The following XAB2 variants were observed in gnomAD, a reference collection of about 807,000 sequenced individuals.
The protein encoded by XAB2 is pre-mRNA-splicing factor SYF1.
Under a neutral mutation model 113.4 loss-of-function variants are expected in XAB2, and 57 were observed. The observed-to-expected ratio is 0.50, with a 90% CI of 0.41 to 0.63. XAB2 has a LOEUF of 0.63. Ranked by LOEUF, XAB2 falls within the 20% of genes least tolerant of loss-of-function variation. The pLI is 0.00. For synonymous variants in XAB2, 497 were observed against 498.8 expected, an observed-to-expected ratio of 1.00 and a Z score of 0.05; for missense variants, 1,037 against 1,233.3, an observed-to-expected ratio of 0.84 and a Z score of 2.38.
At position 7,627,864 on chromosome 19, in the gene XAB2, A is replaced by G; in HGVS notation, c.201-13T>C. The G allele has an allele frequency of 6.2e-7, 1 of 1,610,288 alleles. No homozygotes were observed. Among genetic ancestry groups the G allele is most frequent in the Non-Finnish European group, 8.5e-7 (1 of 1,176,880 alleles). ...CCAGAGTTTGTAGCTGGGGAATAGG[A>G]GGGGACAGATGCTGATCGGTCAGCT... is the stretch of plus-strand genomic sequence containing the variant. On this transcript the variant is annotated splice_polypyrimidine_tract_variant and intron_variant, in intron 2 of 18. Transcript: ENST00000358368. This position sits in a 1 kb window ranked among gnomAD's most constrained non-coding sequence, Gnocchi z 4.5.
At position 7,627,681 on chromosome 19, in the gene XAB2, T is replaced by C. The variant is rs376407828; in HGVS notation, c.324+47A>G. ...CCTGTCCCCGCCCCACCCACCACCA[T>C]GGACTGAGCTCCACTTCCCGATTCA... is the stretch of plus-strand genomic sequence containing the variant. On this transcript the variant is annotated intron_variant, in intron 3 of 18. Transcript: ENST00000358368. This position sits in a 1 kb window ranked among gnomAD's most constrained non-coding sequence, Gnocchi z 4.5. 3.9e-6 allele frequency: 3 copies of C among 759,568 alleles called. No homozygotes were observed. The highest frequency in any genetic ancestry group is 1.8e-5 in the African/African-American group (1 of 54,532). The allele number at this position is 759,568 out of a possible 1,614,324, so 47.1% of individuals were successfully genotyped here.
chr19:7,622,794 C>T lies in XAB2; in HGVS notation c.1339G>A (p.Glu447Lys), dbSNP rs113439333. The T allele has an allele frequency of 4.8e-3, 7,692 of 1,614,116 alleles. 27 individuals are homozygous for T. The highest frequency in any genetic ancestry group is 5.1e-3 in the Non-Finnish European group (6,064 of 1,180,034). ...AGCCGCAAGGCCTCATCGTAGTTCT[C>T]GTGTCGGAGCTCCAGCTCTCCGCAC... Reference protein sequence around the residue: ...CQCGELELRHENYDEALRLLR... With the variant: ...CQCGELELRHKNYDEALRLLR... The change falls in exon 10 of 19, where the codon GAG (glutamate) becomes AAG (lysine). Residue 447 changes from glutamate to lysine, a missense_variant. Glu to Lys is a moderately conservative substitution (Grantham distance 56, BLOSUM62 1). Transcript: ENST00000358368.
chr19:7,625,861 C>T lies in XAB2; in HGVS notation c.822+19G>A. 1 of 1,585,038 alleles carries T rather than the reference C, an allele frequency of 6.3e-7. No homozygotes were observed. The highest frequency in any genetic ancestry group is 8.6e-7 in the Non-Finnish European group (1 of 1,160,672). On this transcript the variant is annotated intron_variant, in intron 6 of 18. Coordinates refer to ENST00000358368, the MANE Select transcript of XAB2 (RefSeq NM_020196.3). The surrounding 1 kb of genome is among the most constrained non-coding windows in gnomAD (Gnocchi z 5.2). ...GGAGACCCCGCCCCGAACCCAGAGC[C>T]CCGTGTGCCAGCATGCACCTTCTCG...
intron 9 of XAB2, 43 bp from the exon 10 acceptor site, chr19:7,622,936 G>A: frequency 6.2e-7 from 1 of 1,603,994 alleles, no homozygotes; most frequent in Non-Finnish European, 8.5e-7. Context: ...CTGCCCACCT[G>A]GACAGCTCCC....
rs1267840503 is a variant in XAB2 at position 7,623,292 on chromosome 19, G to A, written c.1120-3C>T. On this transcript the variant is annotated splice_polypyrimidine_tract_variant and splice_region_variant and intron_variant, in intron 8 of 18. Coordinates refer to ENST00000358368, the MANE Select transcript of XAB2 (RefSeq NM_020196.3). The surrounding 1 kb of genome is among the most constrained non-coding windows in gnomAD (Gnocchi z 4.6). ...GCCTCTGTGTAGGTGTTGATGATCTGGGGACAGGAGGGAGGAGGTCATATA... is the reference window on the plus strand; with the variant it reads ...GCCTCTGTGTAGGTGTTGATGATCTAGGGACAGGAGGGAGGAGGTCATATA... 6.2e-7 allele frequency: 1 copy of A among 1,613,224 alleles called. No homozygotes were observed. Among genetic ancestry groups the A allele is most frequent in the East Asian group, 2.2e-5 (1 of 44,878 alleles).
intron 1 of XAB2, among the ~76,000 whole-genome samples, chr19:7,629,132 G>GTT (rs2031204193): frequency 6.6e-6 from 1 of 152,116 alleles, no homozygotes; most frequent in South Asian, 2.1e-4. Context: ...GGCCTCGTAA[G>GTT]CAAGCCTTTA....
At position 7,624,779 on chromosome 19, in the gene XAB2, G is replaced by A. The variant is rs914399580; in HGVS notation, c.823-334C>T. ...GCCAAAAACCCCCCAGCGCCTATGG[G>A]TCCACCCTGCAGGGACCCTCGCCTC... On this transcript the variant is annotated intron_variant, in intron 6 of 18. Transcript: ENST00000358368. This position sits in a 1 kb window ranked among gnomAD's most constrained non-coding sequence, Gnocchi z 4.2. Among the ~76,000 whole-genome samples the A allele has an allele frequency of 6.6e-6, 1 of 152,130 alleles. No individual in the cohort carries two copies. Among genetic ancestry groups the A allele is most frequent in the Non-Finnish European group, 1.5e-5 (1 of 68,012 alleles).
chr19:7,629,131 A>C (rs1393003113), intron 1 of XAB2, among the ~76,000 whole-genome samples: 1 of 152,128 alleles, frequency 6.6e-6, no homozygotes, highest in Non-Finnish European at 1.5e-5. Flanking sequence ...TGGCCTCGTA[A>C]GCAAGCCTTT....
At chr19:7,622,500 C>T in intron 11 of XAB2, 30 bp downstream of exon 11, 1 of 1,613,758 alleles carries the variant, frequency 6.2e-7, no homozygotes. Context: ...AGTCCGGGGC[C>T]CCGTCCCTCC....
At chr19:7,626,556 C>T (rs771134549) in intron 4 of XAB2, among the ~76,000 whole-genome samples, 1 of 151,906 alleles carries the variant, frequency 6.6e-6, no homozygotes, top group Non-Finnish European at 1.5e-5. Flanking sequence ...AGCCTTGACC[C>T]GCAAGGGCAC....
rs2031016149 is a variant in XAB2 at position 7,620,852 on chromosome 19, G to T, written c.1965C>A (p.Ala655=). The change falls in exon 14 of 19, where the codon GCC becomes GCA. Residue 655 remains alanine (A), a synonymous_variant. Transcript: ENST00000358368. ...VTHTRGIYQK[A]IEVLSDEHAR... is the part of the protein sequence containing the mutation. ...AGCCCCCCACGGTGGGTACCTCAAT[G>T]GCCTTCTGGTAGATGCCGCGGGTGT... 6.3e-7 allele frequency: 1 copy of T among 1,581,802 alleles called. No individual in the cohort carries two copies. Among genetic ancestry groups the T allele is most frequent in the Non-Finnish European group, 8.6e-7 (1 of 1,162,340 alleles).
rs1391255505 is a variant in XAB2, at chr19:7,619,746, C to A, written c.2506+1G>T. The A allele has an allele frequency of 1.2e-6, 2 of 1,613,616 alleles. No homozygotes were observed. Among genetic ancestry groups the A allele is most frequent in the Non-Finnish European group, 1.7e-6 (2 of 1,179,826 alleles). ...CGTCCCCGCCCCAGCCGGGCCCTCACCGTTGGGCTCCAGGTCCATCTCGTC... is the reference window on the plus strand; with the variant it reads ...CGTCCCCGCCCCAGCCGGGCCCTCAACGTTGGGCTCCAGGTCCATCTCGTC... On this transcript the variant is annotated splice_donor_variant, in intron 18 of 18. Transcript: ENST00000358368. LOFTEE classifies it high-confidence loss of function.
Position 7,619,532 on chromosome 19 carries a change from C to T in XAB2, c.*54G>A. On this transcript the variant is annotated 3_prime_UTR_variant, in exon 19 of 19. Coordinates refer to ENST00000358368, the MANE Select transcript of XAB2 (RefSeq NM_020196.3). ...GGAAGGAGGCTCAGACCATGATGTA[C>T]AAACGTAGCTGTATTGGGGAGGGGG... 3.0e-6 allele frequency: 4 copies of T among 1,344,034 alleles called. No homozygotes were observed. The highest frequency in any genetic ancestry group is 2.6e-5 in the Admixed American group (1 of 38,794). 83.3% of individuals were successfully genotyped at this position (1,344,034 alleles called of 1,614,324 possible).
In XAB2 at chr19:7,619,733, A is replaced by T. The variant is rs1230335472; in HGVS notation, c.2506+14T>A. On this transcript the variant is annotated intron_variant, in intron 18 of 18. Transcript: ENST00000358368. ...CTGGTAATGCCACCGTCCCCGCCCC[A>T]GCCGGGCCCTCACCGTTGGGCTCCA... 6.2e-7 allele frequency: 1 copy of T among 1,613,148 alleles called. No homozygotes were observed. The highest frequency in any genetic ancestry group is 1.3e-5 in the African/African-American group (1 of 74,898).
At position 7,625,945 on chromosome 19, in the gene XAB2, C is replaced by G. The variant is rs758604080; in HGVS notation, c.757G>C (p.Asp253His). 1 of 1,613,742 alleles carries G rather than the reference C, an allele frequency of 6.2e-7. No homozygotes were observed. The highest frequency in any genetic ancestry group is 1.7e-5 in the Admixed American group (1 of 59,974). ...IIRGGLTRFT[D>H]QLGKLWCSLA... is the part of the protein sequence containing the mutation. The stretch of plus-strand genomic sequence containing the variant: ...GAACACCAGAGCTTGCCCAGCTGGT[C>G]GGTGAAGCGGGTGAGGCCCCCGCGG... Residue 253 changes from aspartate (D) to histidine (H), a missense_variant, in exon 6 of 19, where the codon GAC becomes CAC. Physicochemically the swap from Asp to His is moderately conservative, Grantham distance 81 (BLOSUM62 -1). Transcript: ENST00000358368. This position sits in a 1 kb window ranked among gnomAD's most constrained non-coding sequence, Gnocchi z 5.2.
In XAB2 at chr19:7,627,152, T is replaced by A. The variant is rs1423251729; in HGVS notation, c.522+91A>T. ...TCCAGGAGCCTCTTCCCACATCCCG[T>A]CTGCTGGGTGACATCCTACGCGGAG... On this transcript the variant is annotated intron_variant, in intron 4 of 18. Transcript: ENST00000358368. The surrounding 1 kb of genome is among the most constrained non-coding windows in gnomAD (Gnocchi z 4.5). 1 of 1,433,008 alleles carries A rather than the reference T, an allele frequency of 7.0e-7. No individual in the cohort carries two copies. The allele number at this position is 1,433,008 out of a possible 1,614,324, so 88.8% of individuals were successfully genotyped here.
Position 7,623,366 on chromosome 19 carries a change from G to A in XAB2, c.1120-77C>T. On this transcript the variant is annotated intron_variant, in intron 8 of 18. Transcript: ENST00000358368. The surrounding 1 kb of genome is among the most constrained non-coding windows in gnomAD (Gnocchi z 4.6). ...GGTCGGGGCAGAGCTGTGGCTCTGAGGGGTGGGGCCTGGAGGGTGCTGTGG... is the reference window on the plus strand; with the variant it reads ...GGTCGGGGCAGAGCTGTGGCTCTGAAGGGTGGGGCCTGGAGGGTGCTGTGG... 1.3e-6 allele frequency: 2 copies of A among 1,577,508 alleles called. No homozygotes were observed. The highest frequency in any genetic ancestry group is 1.7e-6 in the Non-Finnish European group (2 of 1,159,126).
rs1016005021 is a variant in XAB2 at position 7,627,912 on chromosome 19, T to C, written c.201-61A>G. 2.7e-5 allele frequency: 43 copies of C among 1,579,808 alleles called. No individual in the cohort carries two copies. Among genetic ancestry groups the C allele is most frequent in the African/African-American group, 1.1e-4 (8 of 74,252 alleles). ...GCTTTATGGACACCCCCAGAACCAT[T>C]TGCCCTGCCCCAGTTGGCAAATGTG... is the stretch of plus-strand genomic sequence containing the variant. On this transcript the variant is annotated intron_variant, in intron 2 of 18. Transcript: ENST00000358368. This position sits in a 1 kb window ranked among gnomAD's most constrained non-coding sequence, Gnocchi z 4.5.
rs955362503 is a variant in XAB2 at position 7,622,101 on chromosome 19, A to T, written c.1617+230T>A. On this transcript the variant is annotated intron_variant, in intron 12 of 18. Coordinates refer to ENST00000358368, the MANE Select transcript of XAB2 (RefSeq NM_020196.3). ...AAGGCCACACAAAGACATAGGGAGA[A>T]GGCGGCTGTCTGTAAGCTAAGGAGA... 9 of 513,508 alleles carry T rather than the reference A, an allele frequency of 1.8e-5. No individual in the cohort carries two copies. The East Asian group carries it at 3.1e-4, about 18-fold the overall frequency. 31.8% of individuals were successfully genotyped at this position (513,508 alleles called of 1,614,324 possible). A position where few individuals can be genotyped will look rare whatever the true frequency, so the allele number is the denominator to read the frequency against.
Sources: allele counts gnomAD v4.1 joint callset (sites outside exome capture counted in the v4.1 genomes callset), GRCh38; gene constraint gnomAD v4.1.1; non-coding constraint Gnocchi (gnomAD v3.1); transcripts MANE v1.5; gene names NCBI Gene and HGNC (gene_info 2026-07-23, HGNC 2026-07-21).